AGAP1: variants seen among roughly 807,000 people sequenced by gnomAD.
AGAP1 encodes arf-GAP with GTPase, ANK repeat and PH domain-containing protein 1.
AGAP1 carries 29 observed loss-of-function variants against 105.3 expected under a neutral mutation model. The ratio of observed to expected loss-of-function variants is 0.28; its 90% CI spans 0.21 to 0.38. The LOEUF (loss-of-function observed/expected upper bound fraction) is 0.38, where lower values mean the gene tolerates loss of function less well. Among genes scored for constraint, AGAP1 ranks in the 10% least tolerant of loss-of-function variants. AGAP1 has a pLI of 1.00. For synonymous variants in AGAP1, 509 were observed against 485.9 expected, an observed-to-expected ratio of 1.05 and a Z score of -0.63; for missense variants, 998 against 1,165.1, an observed-to-expected ratio of 0.86 and a Z score of 2.09.
rs2057879611 is a variant in AGAP1 at position 236,051,007 on chromosome 2, T to C, written c.2114+1726T>C. Among the ~76,000 whole-genome samples, 1 of 152,208 alleles carries C rather than the reference T, an allele frequency of 6.6e-6. No homozygotes were observed. The highest frequency in any genetic ancestry group is 1.5e-5 in the Non-Finnish European group (1 of 68,036). ...TTTTTCCAGTGTTACATACATCACATCATTATATTTTAGAGACCTATTGCA... is the reference window on the plus strand; with the variant it reads ...TTTTTCCAGTGTTACATACATCACACCATTATATTTTAGAGACCTATTGCA... On this transcript the variant is annotated intron_variant, in intron 16 of 17. Transcript: ENST00000304032. This position sits in a 1 kb window ranked among gnomAD's most constrained non-coding sequence, Gnocchi z 5.9.
chr2:235,854,335 G>C (rs373529971), intron 9 of AGAP1, among the ~76,000 whole-genome samples: 3 of 152,216 alleles, frequency 2.0e-5, no homozygotes, highest in Admixed American at 6.5e-5. Context: ...GTGGGCTGTG[G>C]TCCTGTTGGC....
chr2:235,651,440 A>G (rs1947590682), intron 1 of AGAP1, among the ~76,000 whole-genome samples: 1 of 152,210 alleles, frequency 6.6e-6, no homozygotes, highest in Admixed American at 6.5e-5. Context: ...GTTGCAGACA[A>G]ATGGTTATTC....
intron 13 of AGAP1, among the ~76,000 whole-genome samples, chr2:236,024,125 G>A (rs1354845585): frequency 7.0e-6 from 1 of 143,098 alleles, no homozygotes; most frequent in Non-Finnish European, 1.5e-5. Context: ...CCGCCTCCCG[G>A]GTTCAAGCAG....
intron 9 of AGAP1, among the ~76,000 whole-genome samples, chr2:235,826,584 G>A (rs1313837971): frequency 6.6e-6 from 1 of 152,004 alleles, no homozygotes. Flanking sequence ...CAAGTAGCTG[G>A]GATTACAGGC....
chr2:235,816,887 GAA>G lies in AGAP1; in HGVS notation c.1050+9566_1050+9567del, dbSNP rs111757111. Among the ~76,000 whole-genome samples the G allele has an allele frequency of 3.0e-3, 438 of 145,646 alleles. 2 individuals carry two copies. The highest frequency in any genetic ancestry group is 0.021 in the East Asian group (104 of 5,014). On this transcript the variant is annotated intron_variant, in intron 9 of 17. Transcript: ENST00000304032. ...TTTTTGATCTCTGTCTCAAAAAGAA[GAA>G]AAAAAAAAAGATATCTACCAAGACC...
chr2:235,720,008 A>G lies in AGAP1; in HGVS notation c.310+2364A>G, dbSNP rs1042744933. On this transcript the variant is annotated intron_variant, in intron 3 of 17. Transcript: ENST00000304032. The surrounding 1 kb of genome is among the most constrained non-coding windows in gnomAD (Gnocchi z 5.0). ...GTGGCCACTGTCTTTGCCCCTCTTA[A>G]TGAGACCAGGGAATGGACTTCTACT... Among the ~76,000 whole-genome samples, 35 of 152,234 alleles carry G rather than the reference A, an allele frequency of 2.3e-4. No individual in the cohort carries two copies. The highest frequency in any genetic ancestry group is 8.2e-4 in the African/African-American group (34 of 41,550).
chr2:235,756,540 C>T (rs558571070), intron 6 of AGAP1, among the ~76,000 whole-genome samples: 6 of 152,214 alleles, frequency 3.9e-5, no homozygotes, highest in African/African-American at 1.4e-4. Context: ...CTCTTCACTC[C>T]CCCTCTCCTA....
At chr2:235,706,251 G>A (rs954757908) in intron 1 of AGAP1, among the ~76,000 whole-genome samples, 1 of 152,192 alleles carries the variant, frequency 6.6e-6, no homozygotes, top group African/African-American at 2.4e-5. Flanking sequence ...ACGAGATGGA[G>A]TCTCGCTCTG....
chr2:235,962,681 C>G lies in AGAP1; in HGVS notation c.1484-5781C>G, dbSNP rs990713434. On this transcript the variant is annotated intron_variant, in intron 12 of 17. Transcript: ENST00000304032. The surrounding 1 kb of genome is among the most constrained non-coding windows in gnomAD (Gnocchi z 5.3). ...AGGCCAGGGTGCTGGAGAGGACACC[C>G]AGGAGGCTGAGATGCAGACAGACCA... 6.6e-6 allele frequency among the ~76,000 whole-genome samples: 1 copy of G among 152,114 alleles called. No homozygotes were observed. Among genetic ancestry groups the G allele is most frequent in the Non-Finnish European group, 1.5e-5 (1 of 68,018 alleles).
rs543154378 is a variant in AGAP1, at chr2:235,869,871, G to T, written c.1051-13474G>T. Reference sequence around the variant, plus strand: ...GTCTCAGGGTGTCTCCTCTTTACTTGGTCTCCCCAGTAGGATAGTCTGACC... The same window carrying T: ...GTCTCAGGGTGTCTCCTCTTTACTTTGTCTCCCCAGTAGGATAGTCTGACC... On this transcript the variant is annotated intron_variant, in intron 9 of 17. Coordinates refer to ENST00000304032, the MANE Select transcript of AGAP1 (RefSeq NM_001037131.3). Among the ~76,000 whole-genome samples, 9 of 152,272 alleles carry T rather than the reference G, an allele frequency of 5.9e-5. No homozygotes were observed. The East Asian group carries it at 1.7e-3, about 29-fold the overall frequency.
Position 235,689,979 on chromosome 2 carries a change from A to G in AGAP1, c.164-19200A>G, listed in dbSNP as rs1949661513. 1.3e-5 allele frequency among the ~76,000 whole-genome samples: 2 copies of G among 152,168 alleles called. No homozygotes were observed. The highest frequency in any genetic ancestry group is 4.8e-5 in the African/African-American group (2 of 41,428). ...CCCTGGTCTAATTTTTTCAGATGGT[A>G]AATAGATCGCGTTGTTGCATGCGTT... On this transcript the variant is annotated intron_variant, in intron 1 of 17. Transcript: ENST00000304032. This position sits in a 1 kb window ranked among gnomAD's most constrained non-coding sequence, Gnocchi z 4.2.
At chr2:235,880,955 T>C (rs1156853594) in intron 9 of AGAP1, among the ~76,000 whole-genome samples, 1 of 152,206 alleles carries the variant, frequency 6.6e-6, no homozygotes, top group Non-Finnish European at 1.5e-5. Flanking sequence ...TCCTGTGGGC[T>C]TCATTGGGTT....
chr2:235,762,404 A>C (rs558229343), intron 6 of AGAP1, among the ~76,000 whole-genome samples: 3 of 151,954 alleles, frequency 2.0e-5, no homozygotes, highest in African/African-American at 7.2e-5. Flanking sequence ...CTCCGAGCAG[A>C]TCAGGGGCAT....
rs545954711 is a variant in AGAP1, at chr2:235,611,673, T to C, written c.164-97506T>C. ...ATTGATAAGCAGGATAGTAAACCAG[T>C]TGTGAGGAACATTGTATAGAGAAAA... On this transcript the variant is annotated intron_variant, in intron 1 of 17. Coordinates refer to ENST00000304032, the MANE Select transcript of AGAP1 (RefSeq NM_001037131.3). The surrounding 1 kb of genome is among the most constrained non-coding windows in gnomAD (Gnocchi z 5.0). Among the ~76,000 whole-genome samples, 2 of 152,334 alleles carry C rather than the reference T, an allele frequency of 1.3e-5. No individual in the cohort carries two copies. The highest frequency in any genetic ancestry group is 3.9e-4 in the East Asian group (2 of 5,184).
chr2:235,685,893 C>T (rs868486550), intron 1 of AGAP1, among the ~76,000 whole-genome samples: 1 of 152,118 alleles, frequency 6.6e-6, no homozygotes, highest in African/African-American at 2.4e-5. Flanking sequence ...AGACACCAAT[C>T]AATACATGTA....
Position 235,908,877 on chromosome 2 carries a change from T to C in AGAP1, c.1295T>C (p.Met432Thr). The change falls in exon 11 of 18, where the codon ATG (methionine) becomes ACG (threonine). Residue 432 changes from methionine (M) to threonine (T), a missense_variant. Coordinates refer to ENST00000304032, the MANE Select transcript of AGAP1 (RefSeq NM_001037131.3). This position sits in a 1 kb window ranked among gnomAD's most constrained non-coding sequence, Gnocchi z 4.4. ...AAAACCAATGGCCTATCCAAGGACA[T>C]GAGCAGTTTACACATCTCACCCAAT... ...SPKTNGLSKDMSSLHISPNSG... is the reference protein window; with the variant it reads ...SPKTNGLSKDTSSLHISPNSG... 1 of 1,613,974 alleles carries C rather than the reference T, an allele frequency of 6.2e-7. No individual in the cohort carries two copies. The highest frequency in any genetic ancestry group is 1.1e-5 in the South Asian group (1 of 91,054).
In AGAP1 at chr2:235,719,050, T is replaced by C. The variant is rs1435677169; in HGVS notation, c.310+1406T>C. ...CCACTTATTTTCAAGGGCTAGCTATTGTAGAGGTTATACAGAGGTTAACTC... is the reference window on the plus strand; with the variant it reads ...CCACTTATTTTCAAGGGCTAGCTATCGTAGAGGTTATACAGAGGTTAACTC... On this transcript the variant is annotated intron_variant, in intron 3 of 17. Transcript: ENST00000304032. This position sits in a 1 kb window ranked among gnomAD's most constrained non-coding sequence, Gnocchi z 4.9. Among the ~76,000 whole-genome samples, 1 of 152,210 alleles carries C rather than the reference T, an allele frequency of 6.6e-6. No homozygotes were observed. The highest frequency in any genetic ancestry group is 1.5e-5 in the Non-Finnish European group (1 of 68,046).
chr2:235,703,917 T>C (rs1013246550), intron 1 of AGAP1, among the ~76,000 whole-genome samples: 5 of 152,148 alleles, frequency 3.3e-5, no homozygotes, highest in Non-Finnish European at 5.9e-5. Context: ...TCTCAGGTGA[T>C]CCACGCCCCT....
intron 8 of AGAP1, among the ~76,000 whole-genome samples, chr2:235,804,276 A>G (rs556071458): frequency 6.6e-6 from 1 of 152,306 alleles, no homozygotes; most frequent in South Asian, 2.1e-4. Flanking sequence ...AAGCTTTATA[A>G]TAACGATGTT....
Sources: allele counts gnomAD v4.1 joint callset (sites outside exome capture counted in the v4.1 genomes callset), GRCh38; gene constraint gnomAD v4.1.1; non-coding constraint Gnocchi (gnomAD v3.1); transcripts MANE v1.5; gene names NCBI Gene and HGNC (gene_info 2026-07-23, HGNC 2026-07-21).